The following FHIT variants were observed in gnomAD, a reference collection of about 807,000 sequenced individuals.
The protein encoded by FHIT is fragile histidine triad diadenosine triphosphatase, also known as bis(5'-adenosyl)-triphosphatase.
FHIT carries 19 observed loss-of-function variants against 17.9 expected under a neutral mutation model. The ratio of observed to expected loss-of-function variants is 1.06; its 90% CI spans 0.74 to 1.56. FHIT has a LOEUF of 1.56. Among genes scored for constraint, FHIT ranks in the 40% most tolerant of loss-of-function variants. The pLI is 0.00. For synonymous variants in FHIT, 81 were observed against 69.7 expected (o/e 1.16, Z -0.81); for missense variants, 248 against 189.2 (o/e 1.31, Z -1.82).
At chr3:61,134,355 A>T (rs1306750642) in intron 2 of FHIT, among the ~76,000 whole-genome samples, 1 of 152,120 alleles carries the variant, frequency 6.6e-6, no homozygotes, top group Non-Finnish European at 1.5e-5. Flanking sequence ...ATGCAAGAAA[A>T]TAATTATTCA....
At chr3:59,903,558 T>C (rs1056044626) in intron 8 of FHIT, among the ~76,000 whole-genome samples, 3 of 152,172 alleles carry the variant, frequency 2.0e-5, no homozygotes, top group African/African-American at 7.2e-5. Flanking sequence ...AAAAATGCAG[T>C]CGGTTTTTCT....
chr3:61,065,610 T>G (rs1176479087), intron 2 of FHIT, among the ~76,000 whole-genome samples: 1 of 152,146 alleles, frequency 6.6e-6, no homozygotes, highest in East Asian at 1.9e-4. Context: ...CAGTCAACCC[T>G]TAATCATTGT....
At chr3:60,085,353 G>A (rs2361335) in intron 5 of FHIT, among the ~76,000 whole-genome samples, 2 of 151,658 alleles carry the variant, frequency 1.3e-5, no homozygotes, top group Admixed American at 1.3e-4. Context: ...CCTTTGCTTG[G>A]GTTTTTTTCC....
intron 1 of FHIT, among the ~76,000 whole-genome samples, chr3:61,237,751 G>C (rs187004721): frequency 2.0e-5 from 3 of 152,288 alleles, no homozygotes; most frequent in Admixed American, 2.0e-4. Context: ...CTAAGAGCTA[G>C]GTAGTATTAT....
chr3:61,126,844 C>A (rs2036621588), intron 2 of FHIT, among the ~76,000 whole-genome samples: 1 of 152,004 alleles, frequency 6.6e-6, no homozygotes, highest in Non-Finnish European at 1.5e-5. Flanking sequence ...CTTGTAAAAA[C>A]CCCAAGAAGA....
At position 60,478,141 on chromosome 3, in the gene FHIT, A is replaced by G. The variant is rs182154848; in HGVS notation, c.103+58719T>C. Among the ~76,000 whole-genome samples the G allele has an allele frequency of 1.1e-4, 16 of 152,330 alleles. 1 individual carries two copies. Among genetic ancestry groups the G allele is most frequent in the Admixed American group, 1.3e-4 (2 of 15,304 alleles). On this transcript the variant is annotated intron_variant, in intron 5 of 9. Transcript: ENST00000492590. Reference sequence around the variant, plus strand: ...ATGCCAGGCACTGGATAAGCGCCCTATTTCACTACCAAACATAATTCTTCC... The same window carrying G: ...ATGCCAGGCACTGGATAAGCGCCCTGTTTCACTACCAAACATAATTCTTCC...
intron 3 of FHIT, among the ~76,000 whole-genome samples, chr3:60,851,429 C>G (rs886796297): frequency 6.6e-6 from 1 of 152,072 alleles, no homozygotes; most frequent in Non-Finnish European, 1.5e-5. Flanking sequence ...GATGCTCACA[C>G]TAAGAGGTTC....
chr3:60,759,152 G>T (rs1352387860), intron 4 of FHIT, among the ~76,000 whole-genome samples: 3 of 152,118 alleles, frequency 2.0e-5, no homozygotes, highest in African/African-American at 4.8e-5. Context: ...ATAGCCTCAA[G>T]AACTTTGGCT....
At chr3:59,880,610 T>C (rs75559463) in intron 8 of FHIT, among the ~76,000 whole-genome samples, 1,872 of 152,310 alleles carry the variant, frequency 0.012, 24 homozygotes, top group South Asian at 0.021. Flanking sequence ...AGGTCCCTCA[T>C]TTGTAAAACA....
At chr3:60,954,381 C>G (rs781986506) in intron 3 of FHIT, among the ~76,000 whole-genome samples, 1 of 152,068 alleles carries the variant, frequency 6.6e-6, no homozygotes, top group Non-Finnish European at 1.5e-5. Context: ...TCATAAATGA[C>G]GAACAAGGAA....
intron 3 of FHIT, among the ~76,000 whole-genome samples, chr3:60,971,226 C>A (rs938174367): frequency 1.3e-5 from 2 of 151,982 alleles, no homozygotes; most frequent in South Asian, 4.2e-4. Context: ...AAAAGTTAGC[C>A]GAGCATGGTG....
chr3:60,076,483 GGGGTA>G (rs71627522), intron 5 of FHIT, among the ~76,000 whole-genome samples: 15,140 of 152,000 alleles, frequency 0.1, 842 homozygotes, highest in Non-Finnish European at 0.12. Context: ...GCCACACTGT[GGGGTA>G]ATATGGCCAA....
At chr3:60,565,398 T>C (rs1311871671) in intron 4 of FHIT, among the ~76,000 whole-genome samples, 1 of 152,048 alleles carries the variant, frequency 6.6e-6, no homozygotes, top group Non-Finnish European at 1.5e-5. Context: ...AAATACAAAA[T>C]ACAAGAATTC....
intron 1 of FHIT, among the ~76,000 whole-genome samples, chr3:61,230,406 T>C (rs1388637270): frequency 6.6e-6 from 1 of 152,212 alleles, no homozygotes; most frequent in Non-Finnish European, 1.5e-5. Context: ...TGCTCCCATT[T>C]TGTCTTCTGC....
chr3:60,547,199 T>C (rs2036395986), intron 4 of FHIT, among the ~76,000 whole-genome samples: 1 of 152,198 alleles, frequency 6.6e-6, no homozygotes, highest in Non-Finnish European at 1.5e-5. Flanking sequence ...ATATAAAGAC[T>C]AGATGTACCA....
intron 5 of FHIT, among the ~76,000 whole-genome samples, chr3:60,359,585 T>C (rs1230396485): frequency 6.6e-6 from 1 of 152,172 alleles, no homozygotes; most frequent in Admixed American, 6.5e-5. Flanking sequence ...GGCCTGAATA[T>C]CAAAATATCT....
chr3:60,321,646 A>G (rs1709438119), intron 5 of FHIT, among the ~76,000 whole-genome samples: 1 of 152,212 alleles, frequency 6.6e-6, no homozygotes, highest in Non-Finnish European at 1.5e-5. Context: ...CTCTCTCTGT[A>G]TATATTTAAA....
At chr3:60,281,301 A>G (rs1054884844) in intron 5 of FHIT, among the ~76,000 whole-genome samples, 1 of 152,174 alleles carries the variant, frequency 6.6e-6, no homozygotes, top group Non-Finnish European at 1.5e-5. Flanking sequence ...TTCAGTCAAA[A>G]TCCCAGAAAG....
rs142000296 is a variant in FHIT at position 61,031,328 on chromosome 3, G to C, written c.-111+10719C>G. Reference sequence around the variant, plus strand: ...ATATGCAGAGTCACAAGGTCTTACAGGTTACCACCCAGAACCAGTAGCCAT... The same window carrying C: ...ATATGCAGAGTCACAAGGTCTTACACGTTACCACCCAGAACCAGTAGCCAT... On this transcript the variant is annotated intron_variant, in intron 3 of 9. Transcript: ENST00000492590. 1.5e-3 allele frequency among the ~76,000 whole-genome samples: 234 copies of C among 152,178 alleles called. 3 individuals carry two copies. The East Asian group carries it at 0.02, about 13-fold the overall frequency.
Sources: allele counts gnomAD v4.1 joint callset (sites outside exome capture counted in the v4.1 genomes callset), GRCh38; gene constraint gnomAD v4.1.1; transcripts MANE v1.5; gene names NCBI Gene and HGNC (gene_info 2026-07-23, HGNC 2026-07-21).